The following SLC26A8 variants were observed in gnomAD, a reference collection of about 807,000 sequenced individuals.
The protein encoded by SLC26A8 is testis anion transporter 1.
A neutral mutation model predicts 105.0 loss-of-function variants in SLC26A8; 70 were observed. The ratio of observed to expected loss-of-function variants is 0.67; its 90% confidence interval spans 0.55 to 0.81. The LOEUF (loss-of-function observed/expected upper bound fraction) is 0.81, where lower values mean the gene tolerates loss of function less well. SLC26A8 is among the 40% of genes least tolerant of loss of function. The pLI is 0.00. For synonymous variants in SLC26A8, 415 were observed against 438.3 expected (o/e 0.95, Z 0.66); for missense variants, 998 against 1,181.8 (o/e 0.84, Z 2.28).
At chr6:35,992,188 A>C (rs1218466295) in intron 6 of SLC26A8, among the ~76,000 whole-genome samples, 1 of 152,196 alleles carries the variant, frequency 6.6e-6, no homozygotes, top group African/African-American at 2.4e-5. Flanking sequence ...TTTAGGATAC[A>C]TGTCTGTTAT....
chr6:36,022,449 T>C (rs1165109313), intron 1 of SLC26A8, among the ~76,000 whole-genome samples: 1 of 151,854 alleles, frequency 6.6e-6, no homozygotes, highest in Non-Finnish European at 1.5e-5. Flanking sequence ...TTTCAAGTGC[T>C]CAACAGCCAC....
chr6:35,958,238 G>A (rs1236402037), intron 16 of SLC26A8, among the ~76,000 whole-genome samples: 3 of 152,096 alleles, frequency 2.0e-5, no homozygotes, highest in Admixed American at 6.6e-5. Flanking sequence ...GGTGGCTCAC[G>A]CCTGTAATCC....
rs1466593915 is a variant in SLC26A8 at position 35,975,470 on chromosome 6, G to A, written c.1192C>T (p.Leu398Phe). 1.9e-6 allele frequency: 3 copies of A among 1,611,692 alleles called. No individual in the cohort carries two copies. In the African/African-American group the frequency reaches 4.0e-5, roughly 22 times the overall value. The change falls in exon 10 of 20, where the codon CTT becomes TTT. Residue 398 changes from leucine to phenylalanine, a missense_variant. Leu to Phe is a conservative substitution (Grantham distance 22). Coordinates refer to ENST00000490799, the MANE Select transcript of SLC26A8 (RefSeq NM_052961.4). Reference sequence around the variant, plus strand: ...AAAAATGAACTGACGACATTGCAAAGGCCGATGGCTATTAAATCCTGTAAA... The same window carrying A: ...AAAAATGAACTGACGACATTGCAAAAGCCGATGGCTATTAAATCCTGTAAA... ...NSNQDLIAIG[L>F]CNVVSSFFRS... is the part of the protein sequence containing the mutation.
chr6:35,976,178 C>T (rs1369092768), intron 9 of SLC26A8, among the ~76,000 whole-genome samples: 1 of 151,986 alleles, frequency 6.6e-6, no homozygotes, highest in Non-Finnish European at 1.5e-5. Context: ...GTAATCCCAG[C>T]ACTTTGGGAG....
Position 35,943,690 on chromosome 6 carries a change from G to A in SLC26A8, c.*210C>T. The stretch of plus-strand genomic sequence containing the variant: ...GTGAAATGAGGGGAGCCTGGATAGG[G>A]AATTCAGAGATAATTGTTGGCATTT... On this transcript the variant is annotated 3_prime_UTR_variant, in exon 20 of 20. Coordinates refer to ENST00000490799, the MANE Select transcript of SLC26A8 (RefSeq NM_052961.4). 1.5e-6 allele frequency: 1 copy of A among 647,142 alleles called. No individual in the cohort carries two copies. The highest frequency in any genetic ancestry group is 2.5e-6 in the Non-Finnish European group (1 of 397,594). The allele number at this position is 647,142 out of a possible 1,614,324, so 40.1% of individuals were successfully genotyped here. A position where few individuals can be genotyped will look rare whatever the true frequency, so the allele number is the denominator to read the frequency against.
chr6:35,958,798 G>C (rs1005740442), intron 16 of SLC26A8, among the ~76,000 whole-genome samples: 1 of 152,176 alleles, frequency 6.6e-6, no homozygotes, highest in Non-Finnish European at 1.5e-5. Context: ...CTGTAGACTA[G>C]GTGATTGCCG....
In SLC26A8 at chr6:35,943,769, A is replaced by G; in HGVS notation, c.*131T>C. On this transcript the variant is annotated 3_prime_UTR_variant, in exon 20 of 20. Transcript: ENST00000490799. ...GCGCAGAGCAAGGAAGAAGGCTGGC[A>G]GGTAGTAGGAGTCACAGTCAGGAAG... The G allele has an allele frequency of 7.6e-7, 1 of 1,316,878 alleles. No individual in the cohort carries two copies. The highest frequency in any genetic ancestry group is 1.5e-5 in the South Asian group (1 of 66,288). 81.6% of individuals were successfully genotyped at this position (1,316,878 alleles called of 1,614,324 possible).
intron 8 of SLC26A8, 150 bp from the exon 9 acceptor site, chr6:35,977,501 C>A: frequency 1.3e-6 from 1 of 767,336 alleles, no homozygotes; most frequent in East Asian, 3.2e-5. Context: ...CAGCAGCCTG[C>A]CAAAACTGCC....
intron 11 of SLC26A8, among the ~76,000 whole-genome samples, chr6:35,968,605 G>GTATATA (rs1554163661): frequency 7.4e-5 from 4 of 53,854 alleles, no homozygotes; most frequent in Non-Finnish European, 1.4e-4. Flanking sequence ...GTGTGTGTGT[G>GTATATA]TGTGTATATA....
chr6:35,991,653 ACCT>A lies in SLC26A8; in HGVS notation c.942+3_942+5del. ...ACTATGAATTTGAGACATCAAAAAC[ACCT>A]ACCAGAAATAATTCCATGGGAAACT... On this transcript the variant is annotated splice_donor_5th_base_variant and intron_variant, in intron 7 of 19. Transcript: ENST00000490799. 6.5e-7 allele frequency: 1 copy of A among 1,546,902 alleles called. No homozygotes were observed. Among genetic ancestry groups the A allele is most frequent in the Non-Finnish European group, 8.7e-7 (1 of 1,150,308 alleles).
intron 5 of SLC26A8, among the ~76,000 whole-genome samples, chr6:35,994,362 C>T (rs1761286868): frequency 6.6e-6 from 1 of 152,024 alleles, no homozygotes; most frequent in Admixed American, 6.6e-5. Flanking sequence ...GATCCGCCCG[C>T]CTCGGCCTCT....
chr6:35,943,831 GA>G lies in SLC26A8; in HGVS notation c.*68del. On this transcript the variant is annotated 3_prime_UTR_variant, in exon 20 of 20. Coordinates refer to ENST00000490799, the MANE Select transcript of SLC26A8 (RefSeq NM_052961.4). ...AGTTCGTATCCAGTCTAGGTCTCTG[GA>G]CAATTGACCCCTTTTTGGGTAGGAG... The G allele has an allele frequency of 2.6e-6, 4 of 1,567,730 alleles. No homozygotes were observed. The highest frequency in any genetic ancestry group is 3.5e-6 in the Non-Finnish European group (4 of 1,155,630).
At chr6:35,951,108 C>G (rs1771852112) in intron 19 of SLC26A8, 55 bp downstream of exon 19, 1 of 1,520,444 alleles carries the variant, frequency 6.6e-7, no homozygotes, top group Non-Finnish European at 9.0e-7. Flanking sequence ...CTCACCCATC[C>G]CCCCACTGCC....
Position 35,953,776 on chromosome 6 carries a change from C to T in SLC26A8, c.2232+1376G>A, listed in dbSNP as rs192352856. 7.6e-4 allele frequency among the ~76,000 whole-genome samples: 116 copies of T among 152,242 alleles called. 2 individuals carry two copies. The highest frequency in any genetic ancestry group is 2.5e-3 in the African/African-American group (105 of 41,534). ...CCCAGTTCAATTTAGTAACTTGCCT[C>T]GGGTCAGAAGGACAGTGAGCCAAGA... On this transcript the variant is annotated intron_variant, in intron 17 of 19. Transcript: ENST00000490799.
intron 5 of SLC26A8, among the ~76,000 whole-genome samples, chr6:35,997,368 C>A (rs1268520077): frequency 1.3e-5 from 2 of 152,178 alleles, no homozygotes; most frequent in Non-Finnish European, 2.9e-5. Context: ...CATCCCAAAA[C>A]CACCACCCTC....
intron 7 of SLC26A8, among the ~76,000 whole-genome samples, chr6:35,988,256 T>C (rs934952654): frequency 6.6e-6 from 1 of 152,218 alleles, no homozygotes; most frequent in African/African-American, 2.4e-5. Flanking sequence ...TTAGAAAATC[T>C]GAGCTTTATT....
chr6:36,008,326 C>T (rs2127365781), intron 3 of SLC26A8, among the ~76,000 whole-genome samples: 1 of 151,170 alleles, frequency 6.6e-6, no homozygotes, highest in East Asian at 2.0e-4. Flanking sequence ...AAAACAAAAG[C>T]TCAAAAATTA....
chr6:36,014,608 G>T (rs1259204436), intron 2 of SLC26A8, among the ~76,000 whole-genome samples: 3 of 152,160 alleles, frequency 2.0e-5, no homozygotes, highest in Non-Finnish European at 4.4e-5. Context: ...ATGGCCAGGT[G>T]CGGTGGCTCA....
chr6:35,961,011 G>A lies in SLC26A8; in HGVS notation c.1550C>T (p.Thr517Ile). 1 of 1,614,174 alleles carries A rather than the reference G, an allele frequency of 6.2e-7. No homozygotes were observed. The highest frequency in any genetic ancestry group is 2.2e-5 in the East Asian group (1 of 44,882). Reference sequence around the variant, plus strand: ...AAAGTACCTGTGTGAACGAACAGTGGTGATGAAGAAAGCAGAAACTACTGA... The same window carrying A: ...AAAGTACCTGTGTGAACGAACAGTGATGATGAAGAAAGCAGAAACTACTGA... ...IISVVSAFFI[T>I]TVRSHRAKIL... is the part of the protein sequence containing the mutation. The change falls in exon 13 of 20, where the codon ACC (threonine) becomes ATC (isoleucine). Residue 517 changes from threonine (T) to isoleucine (I), a missense_variant. Physicochemically the swap from Thr to Ile is moderately conservative, Grantham distance 89. Coordinates refer to ENST00000490799, the MANE Select transcript of SLC26A8 (RefSeq NM_052961.4).
Sources: allele counts gnomAD v4.1 joint callset (sites outside exome capture counted in the v4.1 genomes callset), GRCh38; gene constraint gnomAD v4.1.1; transcripts MANE v1.5; gene names NCBI Gene and HGNC (gene_info 2026-07-23, HGNC 2026-07-21).